Variants in SH3BGRL2 observed in about 807,000 individuals in gnomAD.
SH3BGRL2 encodes SH3 domain-binding glutamic acid-rich-like protein 2.
Under a neutral mutation model 14.8 loss-of-function variants are expected in SH3BGRL2, and 21 were observed. The observed-to-expected ratio is 1.42, with a 90% CI of 1.01 to 2.05. SH3BGRL2 has a LOEUF of 2.05. SH3BGRL2 is among the 30% of genes most tolerant of loss of function. SH3BGRL2 has a pLI of 0.00. For synonymous variants in SH3BGRL2, 50 were observed against 47.8 expected (o/e 1.05, Z -0.19); for missense variants, 147 against 130.8 (o/e 1.12, Z -0.61).
the SH3BGRL2 span, among the ~76,000 whole-genome samples, chr6:79,597,730 A>G: frequency 6.6e-6 from 1 of 152,198 alleles, no homozygotes; most frequent in Non-Finnish European, 1.5e-5. Context: ...TGACACCAAA[A>G]AGACAAGCAC....
chr6:79,539,889 T>G, the SH3BGRL2 span, among the ~76,000 whole-genome samples: 1 of 152,242 alleles, frequency 6.6e-6, no homozygotes, highest in Non-Finnish European at 1.5e-5. Context: ...TTCAGTCATC[T>G]ATTTCATACC....
intron 1 of SH3BGRL2, among the ~76,000 whole-genome samples, chr6:79,648,300 A>G: frequency 9.5e-6 from 1 of 105,720 alleles, no homozygotes. Flanking sequence ...TATATTATAT[A>G]TAATATATAT....
At chr6:79,661,433 G>A (rs950216722) in intron 1 of SH3BGRL2, among the ~76,000 whole-genome samples, 3 of 152,162 alleles carry the variant, frequency 2.0e-5, no homozygotes, top group Non-Finnish European at 2.9e-5. Flanking sequence ...CCATGTAGTT[G>A]TGCGGTTTTG....
intron 1 of SH3BGRL2, among the ~76,000 whole-genome samples, chr6:79,636,753 G>A (rs993926366): frequency 6.6e-6 from 1 of 152,078 alleles, no homozygotes; most frequent in Non-Finnish European, 1.5e-5. Context: ...TCCTTGGCTT[G>A]TAGATGTATC....
intron 1 of SH3BGRL2, among the ~76,000 whole-genome samples, chr6:79,640,313 T>G (rs770483381): frequency 3.7e-4 from 57 of 152,224 alleles, no homozygotes; most frequent in Admixed American, 1.4e-3. Flanking sequence ...AGGGTTAGTA[T>G]TGCTATCTCT....
the SH3BGRL2 span, among the ~76,000 whole-genome samples, chr6:79,564,000 A>T: frequency 6.6e-6 from 1 of 152,176 alleles, no homozygotes; most frequent in Non-Finnish European, 1.5e-5. Flanking sequence ...GAATAATTAT[A>T]AAAAAACTGT....
chr6:79,579,853 A>G, the SH3BGRL2 span, among the ~76,000 whole-genome samples: 6 of 152,298 alleles, frequency 3.9e-5, no homozygotes, highest in East Asian at 5.8e-4. Context: ...ACACAGACTG[A>G]CAAATTGGAT....
chr6:79,620,507 C>T, the SH3BGRL2 span, among the ~76,000 whole-genome samples: 6 of 151,848 alleles, frequency 4.0e-5, no homozygotes, highest in African/African-American at 1.5e-4. Context: ...CATTGGTCCT[C>T]GGAGGATAAC....
chr6:79,673,498 C>T (rs1248839342), intron 1 of SH3BGRL2, 116 bp from the exon 2 acceptor site: 1 of 1,001,988 alleles, frequency 1.0e-6, no homozygotes, highest in Non-Finnish European at 1.5e-6. Flanking sequence ...GTGCATGACA[C>T]CTACATAAAT....
the SH3BGRL2 span, among the ~76,000 whole-genome samples, chr6:79,569,572 G>A: frequency 6.8e-4 from 104 of 152,112 alleles, no homozygotes; most frequent in Admixed American, 1.2e-3. Flanking sequence ...TAATGTTAAT[G>A]CTGGTCAATT....
Position 79,702,182 on chromosome 6 carries a change from A to G in SH3BGRL2, c.*2673A>G, listed in dbSNP as rs2127741537. The stretch of plus-strand genomic sequence containing the variant: ...CACCTCAGATTCTAATATATTCTAG[A>G]TTTGTTTCTGTTTTATAGATTTAAT... On this transcript the variant is annotated 3_prime_UTR_variant, in exon 4 of 4. Coordinates refer to ENST00000369838, the MANE Select transcript of SH3BGRL2 (RefSeq NM_031469.4). 1 of 152,662 alleles carries G rather than the reference A, an allele frequency of 6.6e-6. No homozygotes were observed. Among genetic ancestry groups the G allele is most frequent in the South Asian group, 2.1e-4 (1 of 4,822 alleles). The allele number at this position is 152,662 out of a possible 1,614,324, so 9.5% of individuals were successfully genotyped here. A position where few individuals can be genotyped will look rare whatever the true frequency, so the allele number is the denominator to read the frequency against.
the SH3BGRL2 span, chr6:79,574,327 A>T: frequency 6.6e-6 from 1 of 152,232 alleles, no homozygotes; most frequent in Non-Finnish European, 1.5e-5. Context: ...GTTTGTTTGC[A>T]GATTCTCTGG....
At chr6:79,636,509 G>C (rs1482489343) in intron 1 of SH3BGRL2, among the ~76,000 whole-genome samples, 1 of 152,118 alleles carries the variant, frequency 6.6e-6, no homozygotes, top group Non-Finnish European at 1.5e-5. Context: ...GAGAGGATGT[G>C]GTGGTGATGG....
upstream of SH3BGRL2, among the ~76,000 whole-genome samples, chr6:79,630,731 G>A (rs531807254): frequency 1.3e-5 from 2 of 152,206 alleles, no homozygotes; most frequent in African/African-American, 4.8e-5. Context: ...ATAAAATATT[G>A]GTTGTGCTTC....
chr6:79,574,360 T>G, the SH3BGRL2 span: 1 of 152,220 alleles, frequency 6.6e-6, no homozygotes, highest in Admixed American at 6.5e-5. Context: ...AGAAATCAAT[T>G]CATCAATGAG....
At chr6:79,669,644 C>G (rs927423622) in intron 1 of SH3BGRL2, among the ~76,000 whole-genome samples, 1 of 151,992 alleles carries the variant, frequency 6.6e-6, no homozygotes, top group South Asian at 2.1e-4. Context: ...AGGGTTTCAC[C>G]ATGTTGATCA....
chr6:79,583,963 C>T, the SH3BGRL2 span, among the ~76,000 whole-genome samples: 1 of 152,044 alleles, frequency 6.6e-6, no homozygotes, highest in East Asian at 1.9e-4. Flanking sequence ...ATCTAATTGT[C>T]ACTATTTTCT....
chr6:79,539,879 TTCAG>T, the SH3BGRL2 span, among the ~76,000 whole-genome samples: 1 of 152,192 alleles, frequency 6.6e-6, no homozygotes, highest in Non-Finnish European at 1.5e-5. Flanking sequence ...TTAGCTAAAG[TTCAG>T]TCATCTATTT....
intron 2 of SH3BGRL2, among the ~76,000 whole-genome samples, chr6:79,685,314 T>C (rs184776866): frequency 7.9e-5 from 12 of 152,288 alleles, no homozygotes; most frequent in African/African-American, 2.9e-4. Context: ...TTCTGAATCT[T>C]ATGCAATTAA....
Sources: gnomAD v4.1 joint callset for allele counts (sites outside exome capture counted in the v4.1 genomes callset) on GRCh38, gnomAD v4.1.1 for gene constraint, MANE v1.5 for transcripts, NCBI Gene and HGNC (gene_info 2026-07-23, HGNC 2026-07-21) for gene names.